Variants in KLKB1 observed in about 807,000 individuals in gnomAD.
The protein encoded by KLKB1 is kallikrein B1.
A neutral mutation model predicts 73.6 loss-of-function variants in KLKB1; 58 were observed. The observed-to-expected ratio is 0.79, with a 90% confidence interval of 0.64 to 0.98. The LOEUF is 0.98. Among genes scored for constraint, KLKB1 ranks in the 50% least tolerant of loss-of-function variants. The pLI is 0.00. For synonymous variants in KLKB1, 280 were observed against 258.1 expected, an observed-to-expected ratio of 1.08 and a Z score of -0.81; for missense variants, 737 against 763.8, an observed-to-expected ratio of 0.96 and a Z score of 0.41.
chr4:186,257,764 TG>T (rs1739088141), intron 14 of KLKB1, among the ~76,000 whole-genome samples: 2 of 151,866 alleles, frequency 1.3e-5, no homozygotes, highest in Non-Finnish European at 2.9e-5. Flanking sequence ...TGTGTGTGTG[TG>T]TGTGTGTGTG....
At chr4:186,233,872 T>C (rs1016212784) in intron 3 of KLKB1, 80 bp from the exon 4 acceptor site, 3 of 962,020 alleles carry the variant, frequency 3.1e-6, no homozygotes, top group Non-Finnish European at 5.1e-6. Flanking sequence ...GTTTTATTTG[T>C]TAGTGTGTAG....
intron 6 of KLKB1, among the ~76,000 whole-genome samples, chr4:186,244,900 G>A (rs1038038687): frequency 6.6e-6 from 1 of 152,132 alleles, no homozygotes. Flanking sequence ...TTAATGGGAT[G>A]GTAAGGGGTG....
chr4:186,226,098 TTC>T (rs1737159136), upstream of KLKB1, among the ~76,000 whole-genome samples: 1 of 152,130 alleles, frequency 6.6e-6, no homozygotes. Context: ...GCTCCAGAAT[TTC>T]TGTTTCATTC....
At position 186,250,643 on chromosome 4, in the gene KLKB1, C is replaced by T. The variant is rs185281404; in HGVS notation, c.758+241C>T. On this transcript the variant is annotated intron_variant, in intron 7 of 14. Transcript: ENST00000264690. Reference sequence around the variant, plus strand: ...AAATGTTACCATTGAATCAAGGAAGCAATAGCCATGAGAAAAAAGAAGGAT... The same window carrying T: ...AAATGTTACCATTGAATCAAGGAAGTAATAGCCATGAGAAAAAAGAAGGAT... 6.6e-6 allele frequency among the ~76,000 whole-genome samples: 1 copy of T among 152,158 alleles called. No individual in the cohort carries two copies. The highest frequency in any genetic ancestry group is 1.5e-5 in the Non-Finnish European group (1 of 68,038).
chr4:186,212,594 A>G (rs984147548), intron 2 of KLKB1: 18 of 152,320 alleles, frequency 1.2e-4, no homozygotes, highest in African/African-American at 3.8e-4. Context: ...GTAATCTCCA[A>G]TCTCTCATAG....
chr4:186,238,366 G>A lies in KLKB1; in HGVS notation c.598+1G>A. ...AAGCCCTGTGCCCTTTCAGAAATTG[G>A]TAATTGTAGGACTACTTCACTTTGT... On this transcript the variant is annotated splice_donor_variant, in intron 6 of 14. Coordinates refer to ENST00000264690, the MANE Select transcript of KLKB1 (RefSeq NM_000892.5). LOFTEE classifies it high-confidence loss of function. 2 of 1,590,182 alleles carry A rather than the reference G, an allele frequency of 1.3e-6. No individual in the cohort carries two copies. Among genetic ancestry groups the A allele is most frequent in the South Asian group, 1.1e-5 (1 of 90,610 alleles).
At chr4:186,255,504 C>T (rs1738951140) in intron 12 of KLKB1, among the ~76,000 whole-genome samples, 2 of 152,180 alleles carry the variant, frequency 1.3e-5, no homozygotes, top group Admixed American at 6.5e-5. Context: ...GAGCTCAAGG[C>T]TGTAGTGAGC....
At chr4:186,255,876 A>G in intron 12 of KLKB1, 116 bp from the exon 13 acceptor site, 1 of 747,232 alleles carries the variant, frequency 1.3e-6, no homozygotes, top group Non-Finnish European at 2.3e-6. Context: ...AAAGCAAAAA[A>G]TTATTCTTGA....
At chr4:186,222,282 TTAC>T (rs1737049284), upstream of KLKB1, among the ~76,000 whole-genome samples, 1 of 152,252 alleles carries the variant, frequency 6.6e-6, no homozygotes, top group Non-Finnish European at 1.5e-5. Context: ...AGGTAAAGGC[TTAC>T]TACTATCATG....
chr4:186,251,132 T>G, intron 7 of KLKB1, 87 bp from the exon 8 acceptor site: 1 of 846,344 alleles, frequency 1.2e-6, no homozygotes, highest in Non-Finnish European at 2.0e-6. Context: ...CTGCGTTGCT[T>G]TTTGGGTGTG....
rs1416013397 is a variant in KLKB1, at chr4:186,232,200, C to T, written c.132C>T (p.Ala44=). The T allele has an allele frequency of 3.1e-6, 5 of 1,613,850 alleles. No homozygotes were observed. Among genetic ancestry groups the T allele is most frequent in the Non-Finnish European group, 2.5e-6 (3 of 1,179,872 alleles). The change falls in exon 3 of 15, where the codon GCC becomes GCT. Residue 44 remains alanine, a synonymous_variant. Coordinates refer to ENST00000264690, the MANE Select transcript of KLKB1 (RefSeq NM_000892.5). ...GDVASMYTPN[A]QYCQMRCTFH... is the part of the protein sequence containing the mutation. ...TAGCTTCCATGTACACCCCAAATGC[C>T]CAATACTGCCAGATGAGGTGCACAT... is the stretch of plus-strand genomic sequence containing the variant.
intron 6 of KLKB1, among the ~76,000 whole-genome samples, chr4:186,248,013 C>T (rs1973612): frequency 0.55 from 83,196 of 151,894 alleles, 23,054 homozygotes; most frequent in East Asian, 0.68. Context: ...TTTGGGAGGC[C>T]GAGGCGGGCG....
intron 14 of KLKB1, 39 bp downstream of exon 14, chr4:186,257,404 G>C (rs1739061278): frequency 6.6e-7 from 1 of 1,521,542 alleles, no homozygotes; most frequent in Admixed American, 1.9e-5. Context: ...TAGGCTGCTT[G>C]AGAAAATTCA....
chr4:186,250,200 C>G (rs577758457), intron 6 of KLKB1, 43 bp from the exon 7 acceptor site: 1 of 1,579,768 alleles, frequency 6.3e-7, no homozygotes, highest in African/African-American at 1.4e-5. Flanking sequence ...AATTTAGCCT[C>G]ATGTCATTTC....
In KLKB1 at chr4:186,251,243, T is replaced by C. The variant is rs766205132; in HGVS notation, c.783T>C (p.Ser261=). The C allele has an allele frequency of 1.2e-6, 2 of 1,609,102 alleles. No individual in the cohort carries two copies. The highest frequency in any genetic ancestry group is 4.5e-5 in the East Asian group (2 of 44,812). Residue 261 remains serine, a synonymous_variant, in exon 8 of 15, where the codon TCT becomes TCC. Coordinates refer to ENST00000264690, the MANE Select transcript of KLKB1 (RefSeq NM_000892.5). ...SQRNVCLLKT[S]ESGTPSSSTP... Reference sequence around the variant, plus strand: ...GAAATGTTTGTCTTCTTAAAACATCTGAAAGTGGCACACCAAGTTCCTCTA... The same window carrying C: ...GAAATGTTTGTCTTCTTAAAACATCCGAAAGTGGCACACCAAGTTCCTCTA...
Position 186,232,238 on chromosome 4 carries a change from GT to G in KLKB1, c.173del (p.Leu58CysfsTer22). 6.2e-7 allele frequency: 1 copy of G among 1,614,152 alleles called. No homozygotes were observed. ...ATGAGGTGCACATTCCACCCAAGGT[GT>G]TTGCTATTCAGTTTTCTTCCAGCAA... ...CQMRCTFHPR[C>X]LLFSFLPASS... On this transcript the variant is annotated frameshift_variant, in exon 3 of 15. Coordinates refer to ENST00000264690, the MANE Select transcript of KLKB1 (RefSeq NM_000892.5). LOFTEE classifies it high-confidence loss of function.
intron 2 of KLKB1, among the ~76,000 whole-genome samples, chr4:186,218,798 A>G (rs1579985037): frequency 6.6e-6 from 1 of 152,292 alleles, no homozygotes; most frequent in East Asian, 1.9e-4. Context: ...TGTACATATA[A>G]AGGGGAGTTT....
intron 6 of KLKB1, among the ~76,000 whole-genome samples, chr4:186,238,636 G>A (rs543063401): frequency 6.6e-6 from 1 of 152,176 alleles, no homozygotes; most frequent in Non-Finnish European, 1.5e-5. Flanking sequence ...AGGTTTGAAG[G>A]TATTACACTG....
chr4:186,257,453 G>GT (rs201548303), intron 14 of KLKB1, 88 bp downstream of exon 14: 41 of 1,230,796 alleles, frequency 3.3e-5, no homozygotes, highest in Non-Finnish European at 4.2e-5. Context: ...TTCAATCATA[G>GT]TTTTTAAAAA....
Sources: gnomAD v4.1 joint callset for allele counts (sites outside exome capture counted in the v4.1 genomes callset) on GRCh38, gnomAD v4.1.1 for gene constraint, MANE v1.5 for transcripts, NCBI Gene and HGNC (gene_info 2026-07-23, HGNC 2026-07-21) for gene names.